Variants in DAPK2 observed in about 807,000 individuals in gnomAD.
DAPK2 encodes the protein death associated protein kinase 2.
A neutral mutation model predicts 44.1 loss-of-function variants in DAPK2; 35 were observed. The ratio of observed to expected loss-of-function variants is 0.79; its 90% CI spans 0.61 to 1.05. The LOEUF (loss-of-function observed/expected upper bound fraction) is 1.05, where lower values mean the gene tolerates loss of function less well. Among genes scored for constraint, DAPK2 ranks in the 50% least tolerant of loss-of-function variants. The pLI, the probability that DAPK2 is intolerant of heterozygous loss-of-function variation, is 0.00. For synonymous variants in DAPK2, 174 were observed against 182.6 expected (o/e 0.95, Z 0.38); for missense variants, 453 against 483.2 (o/e 0.94, Z 0.59).
intron 1 of DAPK2, among the ~76,000 whole-genome samples, chr15:64,006,303 A>G (rs2079228550): frequency 6.6e-6 from 1 of 152,122 alleles, no homozygotes; most frequent in Non-Finnish European, 1.5e-5. Flanking sequence ...TGCCAATTTA[A>G]CAAAAAACAG....
chr15:63,973,104 C>T (rs2078256941), intron 2 of DAPK2, among the ~76,000 whole-genome samples: 1 of 152,218 alleles, frequency 6.6e-6, no homozygotes, highest in Non-Finnish European at 1.5e-5. Flanking sequence ...GCCTCCACTG[C>T]CCAGTGCTGC....
chr15:63,986,119 T>C (rs1375586405), intron 1 of DAPK2, among the ~76,000 whole-genome samples: 5 of 152,222 alleles, frequency 3.3e-5, no homozygotes, highest in Admixed American at 3.3e-4. Context: ...TGCTGGCTGG[T>C]GTCCCCCACT....
chr15:64,032,654 T>C (rs1273102804), intron 1 of DAPK2, among the ~76,000 whole-genome samples: 4 of 152,074 alleles, frequency 2.6e-5, no homozygotes, highest in Non-Finnish European at 5.9e-5. Context: ...GTAGGCAAGA[T>C]TCAGAAATAA....
chr15:64,019,543 T>A (rs1383463384), intron 1 of DAPK2, among the ~76,000 whole-genome samples: 1 of 152,218 alleles, frequency 6.6e-6, no homozygotes, highest in Non-Finnish European at 1.5e-5. Flanking sequence ...CTTTTCAGAT[T>A]ATAAAAGTAA....
intron 1 of DAPK2, among the ~76,000 whole-genome samples, chr15:64,031,236 CTTTT>C (rs780761441): frequency 7.1e-6 from 1 of 141,838 alleles, no homozygotes; most frequent in African/African-American, 2.6e-5. Flanking sequence ...GGCAGATTTT[CTTTT>C]TTTTTTTTTT....
At chr15:63,972,920 G>A (rs1307900140) in intron 2 of DAPK2, among the ~76,000 whole-genome samples, 1 of 152,202 alleles carries the variant, frequency 6.6e-6, no homozygotes, top group Admixed American at 6.5e-5. Flanking sequence ...TATTCATCAA[G>A]ACAATAAGGG....
At chr15:63,965,026 G>A (rs2078015554) in intron 3 of DAPK2, among the ~76,000 whole-genome samples, 1 of 152,082 alleles carries the variant, frequency 6.6e-6, no homozygotes, top group South Asian at 2.1e-4. Flanking sequence ...TTGATGTCTG[G>A]CCATTGAAGA....
intron 3 of DAPK2, among the ~76,000 whole-genome samples, chr15:63,952,850 T>C (rs1024012541): frequency 6.6e-6 from 1 of 152,110 alleles, no homozygotes; most frequent in Non-Finnish European, 1.5e-5. Flanking sequence ...CAATAACTTA[T>C]TGTTGGCTAT....
intron 1 of DAPK2, among the ~76,000 whole-genome samples, chr15:64,011,079 A>G (rs1325364057): frequency 1.3e-5 from 2 of 152,216 alleles, no homozygotes; most frequent in Non-Finnish European, 2.9e-5. Flanking sequence ...CCAGATTAGC[A>G]TAAAGGCAGG....
chr15:64,036,120 A>T (rs1407253199), intron 1 of DAPK2, among the ~76,000 whole-genome samples: 1 of 151,076 alleles, frequency 6.6e-6, no homozygotes, highest in African/African-American at 2.4e-5. Flanking sequence ...AATTAGCCAG[A>T]CATGGTAGCA....
chr15:63,930,774 G>A (rs962974116), intron 4 of DAPK2, among the ~76,000 whole-genome samples: 2 of 152,140 alleles, frequency 1.3e-5, no homozygotes, highest in African/African-American at 4.8e-5. Context: ...AAAGAGGCCC[G>A]AGGGCTGGCT....
chr15:64,024,318 C>G (rs767185310), intron 1 of DAPK2, among the ~76,000 whole-genome samples: 2 of 152,102 alleles, frequency 1.3e-5, no homozygotes, highest in Non-Finnish European at 2.9e-5. Context: ...AAGTGATCCT[C>G]GAGTTGCAAG....
intron 1 of DAPK2, among the ~76,000 whole-genome samples, chr15:64,012,168 C>A (rs1036968247): frequency 5.9e-5 from 9 of 152,224 alleles, no homozygotes; most frequent in African/African-American, 2.2e-4. Context: ...GCTGCAGCAA[C>A]CTTCCTGAAG....
intron 2 of DAPK2, among the ~76,000 whole-genome samples, chr15:63,977,575 CTA>C (rs141401667): frequency 0.043 from 6,478 of 152,228 alleles, 465 homozygotes; most frequent in African/African-American, 0.15. Context: ...AGAGGAATCT[CTA>C]TGAGATTCTT....
At chr15:63,929,769 G>C (rs551341023) in intron 5 of DAPK2, 192 bp from the exon 7 acceptor site, 81 of 713,220 alleles carry the variant, frequency 1.1e-4, no homozygotes, top group Admixed American at 3.6e-4. Flanking sequence ...GAGTCATCGA[G>C]CTCTGAACCC....
rs1291905960 is a variant in DAPK2, at chr15:63,980,791, C to T, written c.314+2742G>A. On this transcript the variant is annotated intron_variant, in intron 2 of 10. Transcript: ENST00000261891. The surrounding 1 kb of genome is among the most constrained non-coding windows in gnomAD (Gnocchi z 4.3). ...ATGCGGCCGTATTAGGCAGTGGGAC[C>T]TTTAAGACGTGATTGGGTCGGGGTG... Among the ~76,000 whole-genome samples the T allele has an allele frequency of 3.3e-5, 2 of 61,066 alleles. No individual in the cohort carries two copies. Among genetic ancestry groups the T allele is most frequent in the Non-Finnish European group, 5.7e-5 (1 of 17,520 alleles). 40.1% of individuals were successfully genotyped at this position (61,066 alleles called of 152,430 possible).
chr15:64,046,383 G>GCGGCGGGCA (rs1479829199), upstream of DAPK2: 113 of 700,938 alleles, frequency 1.6e-4, 2 homozygotes, highest in South Asian at 2.2e-3. The surrounding 1 kb of genome is among the most constrained non-coding windows in gnomAD (Gnocchi z 5.3). Flanking sequence ...CGCGGCGGGC[G>GCGGCGGGCA]CGGCGGGAAC....
rs755632340 is a variant in DAPK2 at position 63,929,766 on chromosome 15, C to T, written c.633-189G>A. Reference sequence around the variant, plus strand: ...CAGCCCGGGGTGTGTTTGGAGTCATCGAGCTCTGAACCCTGAGTCCGAAGA... The same window carrying T: ...CAGCCCGGGGTGTGTTTGGAGTCATTGAGCTCTGAACCCTGAGTCCGAAGA... On this transcript the variant is annotated intron_variant, in intron 5 of 10. Transcript: ENST00000261891. The T allele has an allele frequency of 9.6e-5, 69 of 719,090 alleles. 1 individual carries two copies. Among genetic ancestry groups the T allele is most frequent in the South Asian group, 5.1e-4 (34 of 67,224 alleles). 44.5% of individuals were successfully genotyped at this position (719,090 alleles called of 1,614,324 possible).
rs559561640 is a variant in DAPK2 at position 64,037,917 on chromosome 15, A to G, written c.92+2253T>C. 4.5e-4 allele frequency among the ~76,000 whole-genome samples: 68 copies of G among 152,196 alleles called. 1 individual carries two copies. The highest frequency in any genetic ancestry group is 1.6e-3 in the African/African-American group (68 of 41,514). On this transcript the variant is annotated intron_variant, in intron 1 of 10. Coordinates refer to ENST00000261891, the Ensembl canonical transcript of DAPK2. Reference sequence around the variant, plus strand: ...CTTACTCACCTTTTGCCCCATTAGCACTTTAGAAGAGTAGGGGAGGTGAGA... The same window carrying G: ...CTTACTCACCTTTTGCCCCATTAGCGCTTTAGAAGAGTAGGGGAGGTGAGA...
Sources: gnomAD v4.1 joint callset for allele counts (sites outside exome capture counted in the v4.1 genomes callset) on GRCh38, gnomAD v4.1.1 for gene constraint, Gnocchi (gnomAD v3.1) non-coding constraint, MANE v1.5 for transcripts, NCBI Gene and HGNC (gene_info 2026-07-23, HGNC 2026-07-21) for gene names.